DOCK4: variants seen among roughly 807,000 people sequenced by gnomAD.
DOCK4 encodes the protein dedicator of cytokinesis 4.
In DOCK4, 97 loss-of-function variants were observed where a neutral mutation model predicts 268.1. That is an observed-to-expected ratio of 0.36 (90% CI 0.31 to 0.43). DOCK4 has a LOEUF of 0.43. Among genes scored for constraint, DOCK4 ranks in the 20% least tolerant of loss-of-function variants. The probability of loss-of-function intolerance (pLI) is 1.00; values close to 1 mark genes in which losing one functional copy is unlikely to be tolerated. For missense variants in DOCK4, 2,145 were observed against 2,455.7 expected, an observed-to-expected ratio of 0.87 and a Z score of 2.67; for synonymous variants, 954 against 887.2, an observed-to-expected ratio of 1.08 and a Z score of -1.34.
At chr7:112,157,512 G>A (rs1816730433) in intron 1 of DOCK4, among the ~76,000 whole-genome samples, 3 of 152,152 alleles carry the variant, frequency 2.0e-5, no homozygotes, top group Admixed American at 2.0e-4. Flanking sequence ...TTTTAAAATA[G>A]GAAATCTGTG....
chr7:111,812,641 T>C (rs558371459), intron 27 of DOCK4, among the ~76,000 whole-genome samples: 9 of 152,136 alleles, frequency 5.9e-5, no homozygotes, highest in Non-Finnish European at 1.3e-4. Context: ...AAAGACAAAA[T>C]AGATAGGAAA....
In DOCK4 at chr7:111,863,263, GA is replaced by G. The variant is rs1363593309; in HGVS notation, c.2473+108del. The G allele has an allele frequency of 2.6e-6, 3 of 1,169,762 alleles. No homozygotes were observed. In the African/African-American group the frequency reaches 4.6e-5, roughly 18 times the overall value. 72.5% of individuals were successfully genotyped at this position (1,169,762 alleles called of 1,614,324 possible). On this transcript the variant is annotated intron_variant, in intron 23 of 52. Transcript: ENST00000428084. ...CCATCCAAATAAACAATGGTTTTGA[GA>G]AAATGCCTTTTAGTGTTTTGTTTTT...
chr7:111,877,874 C>A (rs1807044114), intron 16 of DOCK4, among the ~76,000 whole-genome samples: 1 of 152,144 alleles, frequency 6.6e-6, no homozygotes, highest in South Asian at 2.1e-4. Context: ...TCATATGATG[C>A]CAATGTAGCG....
intron 43 of DOCK4, 26 bp from the exon 44 acceptor site, chr7:111,746,443 T>C (rs1308241570): frequency 3.9e-6 from 6 of 1,520,900 alleles, no homozygotes; most frequent in Non-Finnish European, 5.4e-6. Context: ...AGAATCAGTC[T>C]ACTTTAGTGG....
intron 1 of DOCK4, among the ~76,000 whole-genome samples, chr7:112,119,064 T>C (rs1812454747): frequency 6.6e-6 from 1 of 152,170 alleles, no homozygotes; most frequent in Admixed American, 6.5e-5. Flanking sequence ...TTTCCAATCA[T>C]TGTTGGCAGT....
intron 4 of DOCK4, among the ~76,000 whole-genome samples, chr7:111,997,181 T>C (rs1800034641): frequency 6.6e-6 from 1 of 152,192 alleles, no homozygotes; most frequent in African/African-American, 2.4e-5. Flanking sequence ...GGAGGCTGAA[T>C]GGTATCACAT....
intron 1 of DOCK4, among the ~76,000 whole-genome samples, chr7:112,020,080 C>T (rs979232410): frequency 1.3e-5 from 2 of 152,202 alleles, no homozygotes; most frequent in African/African-American, 2.4e-5. Flanking sequence ...TATACAAGTA[C>T]TGAGTGTTTC....
At chr7:111,769,330 A>T (rs182997383) in intron 37 of DOCK4, among the ~76,000 whole-genome samples, 199 bp downstream of exon 37, 2 of 152,216 alleles carry the variant, frequency 1.3e-5, no homozygotes, top group Non-Finnish European at 2.9e-5. Context: ...TGGCTCATTC[A>T]GAATCAAAAT....
chr7:111,944,746 G>A (rs1795481378), intron 10 of DOCK4, 65 bp downstream of exon 10: 2 of 1,431,740 alleles, frequency 1.4e-6, no homozygotes, highest in African/African-American at 2.8e-5. Context: ...CAACAACATA[G>A]AAACCTCTTG....
chr7:112,008,668 T>C (rs1212550731), intron 1 of DOCK4, among the ~76,000 whole-genome samples: 3 of 152,198 alleles, frequency 2.0e-5, no homozygotes, highest in Non-Finnish European at 2.9e-5. Flanking sequence ...CAACAGTCCA[T>C]GACTTTTAAA....
chr7:111,800,592 A>G (rs1163268555), intron 30 of DOCK4, among the ~76,000 whole-genome samples: 6 of 152,218 alleles, frequency 3.9e-5, no homozygotes, highest in Non-Finnish European at 5.9e-5. Context: ...ACTGTCAGTT[A>G]TGGTCTATAG....
chr7:111,877,936 G>A (rs1323651279), intron 16 of DOCK4, among the ~76,000 whole-genome samples: 1 of 152,136 alleles, frequency 6.6e-6, no homozygotes, highest in Non-Finnish European at 1.5e-5. Flanking sequence ...TGCATGTGGG[G>A]GAATCGAGCT....
intron 1 of DOCK4, among the ~76,000 whole-genome samples, chr7:112,094,002 T>C (rs1809879535): frequency 6.6e-6 from 1 of 152,090 alleles, no homozygotes. Context: ...TGAGACCATT[T>C]GACTTACCCA....
intron 1 of DOCK4, among the ~76,000 whole-genome samples, chr7:112,177,306 C>T (rs112014698): frequency 0.013 from 1,974 of 152,204 alleles, 45 homozygotes; most frequent in African/African-American, 0.043. Flanking sequence ...ATAGCTCTTC[C>T]GAAATACATA....
At chr7:112,025,884 C>T (rs1473976864) in intron 1 of DOCK4, among the ~76,000 whole-genome samples, 3 of 152,142 alleles carry the variant, frequency 2.0e-5, no homozygotes, top group Non-Finnish European at 4.4e-5. Flanking sequence ...TCCCCTCCAC[C>T]ATAAAGCCTT....
intron 36 of DOCK4, among the ~76,000 whole-genome samples, chr7:111,775,967 T>C (rs1208393502): frequency 3.3e-5 from 5 of 152,166 alleles, no homozygotes; most frequent in Non-Finnish European, 7.3e-5. Flanking sequence ...AAGAAAGGGA[T>C]ACTAAATTCT....
chr7:111,740,544 C>G (rs1252733236), intron 47 of DOCK4, among the ~76,000 whole-genome samples: 1 of 150,134 alleles, frequency 6.7e-6, no homozygotes, highest in Non-Finnish European at 1.5e-5. Flanking sequence ...ACCAACCTGG[C>G]CAACATAGTG....
intron 1 of DOCK4, among the ~76,000 whole-genome samples, chr7:112,009,879 T>C (rs1457205689): frequency 6.6e-6 from 1 of 152,190 alleles, no homozygotes; most frequent in Non-Finnish European, 1.5e-5. Context: ...TGCAGTGGCA[T>C]GAACTCAGCT....
intron 17 of DOCK4, among the ~76,000 whole-genome samples, chr7:111,875,946 C>T (rs1311090248): frequency 6.6e-6 from 1 of 152,124 alleles, no homozygotes; most frequent in South Asian, 2.1e-4. Flanking sequence ...AACATGAATG[C>T]AAACTCTACT....
Sources: allele counts gnomAD v4.1 joint callset (sites outside exome capture counted in the v4.1 genomes callset), GRCh38; gene constraint gnomAD v4.1.1; transcripts MANE v1.5; gene names NCBI Gene and HGNC (gene_info 2026-07-23, HGNC 2026-07-21).